CRISPLD2: variants seen among roughly 807,000 people sequenced by gnomAD.
CRISPLD2 encodes the protein cysteine-rich secretory protein LCCL domain-containing 2.
In CRISPLD2, 47 loss-of-function variants were observed where a neutral mutation model predicts 71.1. That is an observed-to-expected ratio of 0.66 (90% CI 0.52 to 0.84). The LOEUF is 0.84. CRISPLD2 is among the 40% of genes least tolerant of loss of function. The pLI is 0.00. For missense variants in CRISPLD2, 830 were observed against 651.1 expected, an observed-to-expected ratio of 1.27 and a Z score of -2.99; for synonymous variants, 317 against 250.1, an observed-to-expected ratio of 1.27 and a Z score of -2.52.
intron 7 of CRISPLD2, among the ~76,000 whole-genome samples, chr16:84,867,402 G>T (rs1002369253): frequency 1.4e-4 from 21 of 152,276 alleles, no homozygotes; most frequent in Non-Finnish European, 2.4e-4. Context: ...GCTCTGGAAG[G>T]TTCCACTCCT....
At chr16:84,890,195 T>A (rs1227050266) in intron 14 of CRISPLD2, among the ~76,000 whole-genome samples, 2 of 151,690 alleles carry the variant, frequency 1.3e-5, no homozygotes, top group African/African-American at 2.4e-5. Flanking sequence ...CCGTCTCTAC[T>A]AAAAATACAA....
At chr16:84,823,097 G>C (rs563779788) in intron 1 of CRISPLD2, among the ~76,000 whole-genome samples, 186 of 152,284 alleles carry the variant, frequency 1.2e-3, no homozygotes, top group Non-Finnish European at 1.5e-3. Flanking sequence ...TCATGTAAAT[G>C]GAACCACACA....
Position 84,824,129 on chromosome 16 carries a change from G to C in CRISPLD2, c.-75+3996G>C, listed in dbSNP as rs539448218. Reference sequence around the variant, plus strand: ...AGGGGAAGATGATAGTGGGTGGGTGGGGAGCTGGCGAGGGTGCCCCAGGCA... The same window carrying C: ...AGGGGAAGATGATAGTGGGTGGGTGCGGAGCTGGCGAGGGTGCCCCAGGCA... On this transcript the variant is annotated intron_variant, in intron 1 of 14. Coordinates refer to ENST00000262424, the MANE Select transcript of CRISPLD2 (RefSeq NM_031476.4). Among the ~76,000 whole-genome samples the C allele has an allele frequency of 4.6e-5, 7 of 152,270 alleles. No individual in the cohort carries two copies. In the East Asian group the frequency reaches 1.2e-3, roughly 25 times the overall value.
At chr16:84,837,233 G>C (rs982563698) in intron 1 of CRISPLD2, among the ~76,000 whole-genome samples, 1 of 152,204 alleles carries the variant, frequency 6.6e-6, no homozygotes, top group Non-Finnish European at 1.5e-5. Context: ...GCCAGGAGGA[G>C]GAGGTCTGTG....
intron 1 of CRISPLD2, among the ~76,000 whole-genome samples, chr16:84,832,685 C>T (rs147153536): frequency 6.6e-6 from 1 of 152,244 alleles, no homozygotes; most frequent in Non-Finnish European, 1.5e-5. Flanking sequence ...ATGGGATGAG[C>T]TGTGGGAACA....
chr16:84,892,539 C>G (rs975645910), intron 14 of CRISPLD2, among the ~76,000 whole-genome samples: 3 of 152,100 alleles, frequency 2.0e-5, no homozygotes, highest in South Asian at 2.1e-4. Flanking sequence ...GCTGAGTTGT[C>G]CAGTACAGTA....
intron 14 of CRISPLD2, among the ~76,000 whole-genome samples, chr16:84,891,460 C>G (rs896487233): frequency 6.6e-6 from 1 of 152,176 alleles, no homozygotes; most frequent in African/African-American, 2.4e-5. Context: ...ACAGCTTCCA[C>G]GTTTTCTCCT....
chr16:84,871,863 C>T (rs2934492), intron 8 of CRISPLD2, among the ~76,000 whole-genome samples: 59,131 of 113,166 alleles, frequency 0.52, 14,984 homozygotes, highest in African/African-American at 0.72. Context: ...TGTTTTTTTT[C>T]AAATGAGAAA....
intron 6 of CRISPLD2, among the ~76,000 whole-genome samples, chr16:84,862,665 G>A (rs1917416995): frequency 1.4e-5 from 2 of 141,248 alleles, no homozygotes; most frequent in Admixed American, 1.4e-4. Flanking sequence ...TGCTCGTGTG[G>A]CCCAGGCTTT....
chr16:84,893,666 G>A (rs1036673218), intron 14 of CRISPLD2, among the ~76,000 whole-genome samples: 82 of 152,328 alleles, frequency 5.4e-4, no homozygotes, highest in African/African-American at 1.7e-3. Context: ...GAGGCATCAA[G>A]AGGGCTAGTC....
intron 11 of CRISPLD2, among the ~76,000 whole-genome samples, chr16:84,877,125 G>A (rs1251972156): frequency 1.3e-5 from 2 of 152,168 alleles, no homozygotes; most frequent in East Asian, 1.9e-4. Flanking sequence ...GAGGAGCAAA[G>A]GTGATCAAGT....
At chr16:84,900,192 T>C (rs563433931) in intron 14 of CRISPLD2, among the ~76,000 whole-genome samples, 1 of 152,176 alleles carries the variant, frequency 6.6e-6, no homozygotes, top group South Asian at 2.1e-4. Context: ...TCCCATCTGA[T>C]ACACGTTTCA....
At chr16:84,834,924 G>A (rs149511316) in intron 1 of CRISPLD2, among the ~76,000 whole-genome samples, 14 of 152,014 alleles carry the variant, frequency 9.2e-5, no homozygotes, top group East Asian at 7.7e-4. Flanking sequence ...CAAAGGCCCC[G>A]TCTCCAAATA....
rs925702233 is a variant in CRISPLD2 at position 84,907,254 on chromosome 16, C to T, written c.*612C>T. The T allele has an allele frequency of 2.9e-4, 46 of 160,624 alleles. 1 individual carries two copies. The highest frequency in any genetic ancestry group is 2.8e-4 in the Non-Finnish European group (21 of 73,800). The allele number at this position is 160,624 out of a possible 1,614,324, so 9.9% of individuals were successfully genotyped here. On this transcript the variant is annotated 3_prime_UTR_variant, in exon 15 of 15. Coordinates refer to ENST00000262424, the MANE Select transcript of CRISPLD2 (RefSeq NM_031476.4). ...CCGCCCTGGCACGTGTCCTTGCTGG[C>T]GGCCCGCCACAGGCCCCCTTCAATG...
At chr16:84,852,171 G>A (rs2641697) in intron 5 of CRISPLD2, among the ~76,000 whole-genome samples, 8 of 152,044 alleles carry the variant, frequency 5.3e-5, no homozygotes, top group Non-Finnish European at 1.0e-4. Context: ...ACCTGTTGAC[G>A]TCGTTTAACC....
chr16:84,867,058 T>A lies in CRISPLD2; in HGVS notation c.853+18T>A, dbSNP rs1917561428. 6.2e-7 allele frequency: 1 copy of A among 1,607,448 alleles called. No homozygotes were observed. Among genetic ancestry groups the A allele is most frequent in the South Asian group, 1.1e-5 (1 of 90,930 alleles). The stretch of plus-strand genomic sequence containing the variant: ...CTACATGAGTGAGTCTAGGCCGTCC[T>A]CCGCCCCTCCTGCCCTCCCAGCCAC... On this transcript the variant is annotated intron_variant, in intron 7 of 14. Coordinates refer to ENST00000262424, the MANE Select transcript of CRISPLD2 (RefSeq NM_031476.4).
intron 14 of CRISPLD2, among the ~76,000 whole-genome samples, chr16:84,903,497 C>T (rs1407537243): frequency 2.0e-5 from 3 of 151,566 alleles, no homozygotes; most frequent in Admixed American, 1.3e-4. Flanking sequence ...GAGGCTGAGG[C>T]AGGAGAATCG....
chr16:84,844,810 C>T lies in CRISPLD2; in HGVS notation c.241-976C>T, dbSNP rs963983735. ...TGCTTTTCTTTGCAGGCCTGTGTGT[C>T]GCTGACGTGGATAAAGCCTCCCTGA... On this transcript the variant is annotated intron_variant, in intron 2 of 14. Transcript: ENST00000262424. Among the ~76,000 whole-genome samples, 5 of 152,110 alleles carry T rather than the reference C, an allele frequency of 3.3e-5. 1 individual carries two copies. In the South Asian group the frequency reaches 1.0e-3, roughly 32 times the overall value.
chr16:84,843,223 G>C (rs1457658258), intron 2 of CRISPLD2, among the ~76,000 whole-genome samples: 2 of 152,202 alleles, frequency 1.3e-5, no homozygotes, highest in Non-Finnish European at 2.9e-5. Context: ...GAGGCTGAAA[G>C]GATGGGGTGG....
Sources: allele counts gnomAD v4.1 joint callset (sites outside exome capture counted in the v4.1 genomes callset), GRCh38; gene constraint gnomAD v4.1.1; transcripts MANE v1.5; gene names NCBI Gene and HGNC (gene_info 2026-07-23, HGNC 2026-07-21).